The following AFF3 variants were observed in gnomAD, a reference collection of about 807,000 sequenced individuals.
AFF3 encodes AF4/FMR2 family member 3.
In AFF3, 32 loss-of-function variants were observed where a neutral mutation model predicts 129.7. That is an observed-to-expected ratio of 0.25 (90% CI 0.19 to 0.33). The LOEUF (loss-of-function observed/expected upper bound fraction) is 0.33, where lower values mean the gene tolerates loss of function less well. Ranked by LOEUF, AFF3 falls within the 10% of genes least tolerant of loss-of-function variation. AFF3 has a pLI of 1.00. For missense variants in AFF3, 1,373 were observed against 1,592.0 expected (o/e 0.86, Z 2.34); for synonymous variants, 644 against 635.4 (o/e 1.01, Z -0.20).
At position 99,587,293 on chromosome 2, in the gene AFF3, A is replaced by G; in HGVS notation, c.2467-15T>C. 1 of 1,613,826 alleles carries G rather than the reference A, an allele frequency of 6.2e-7. No homozygotes were observed. Among genetic ancestry groups the G allele is most frequent in the East Asian group, 2.2e-5 (1 of 44,872 alleles). On this transcript the variant is annotated splice_polypyrimidine_tract_variant and intron_variant, in intron 15 of 24. Transcript: ENST00000672756. ...TCGTTGTCACACTGTATGGGAATAA[A>G]CTAAAGTCAATCAGCACTGGATTTC...
At chr2:99,715,567 T>C (rs966995555) in intron 11 of AFF3, among the ~76,000 whole-genome samples, 2 of 152,206 alleles carry the variant, frequency 1.3e-5, no homozygotes, top group Non-Finnish European at 2.9e-5. Flanking sequence ...AGTCTTTTAC[T>C]GTACACCTGG....
At chr2:99,630,113 C>T (rs1575549967) in intron 13 of AFF3, among the ~76,000 whole-genome samples, 1 of 152,274 alleles carries the variant, frequency 6.6e-6, no homozygotes, top group Admixed American at 6.5e-5. Flanking sequence ...TCAGGAAGAC[C>T]CACATTTCTT....
intron 2 of AFF3, among the ~76,000 whole-genome samples, chr2:100,120,352 A>G (rs541133311): frequency 6.6e-6 from 1 of 152,328 alleles, no homozygotes; most frequent in Non-Finnish European, 1.5e-5. Context: ...GCATTTGAGT[A>G]TCTTTTATGG....
At chr2:99,927,001 C>T (rs935837409) in intron 7 of AFF3, among the ~76,000 whole-genome samples, 8 of 152,162 alleles carry the variant, frequency 5.3e-5, no homozygotes, top group Non-Finnish European at 1.2e-4. Flanking sequence ...GACCAGCAAT[C>T]TCACACAGGC....
chr2:99,965,692 C>T (rs1677674791), intron 7 of AFF3, among the ~76,000 whole-genome samples: 1 of 152,200 alleles, frequency 6.6e-6, no homozygotes, highest in African/African-American at 2.4e-5. Context: ...AATCCACTCT[C>T]AAGAGTTTGG....
chr2:99,668,676 C>T (rs1242443636), intron 12 of AFF3, among the ~76,000 whole-genome samples: 1 of 152,026 alleles, frequency 6.6e-6, no homozygotes, highest in Non-Finnish European at 1.5e-5. Flanking sequence ...GATTCTCCTG[C>T]CTCAGCATCC....
At chr2:99,947,593 AAGAAAGAAAGATAGATAGATAGAT>A (rs1361415989) in intron 7 of AFF3, among the ~76,000 whole-genome samples, 6 of 140,290 alleles carry the variant, frequency 4.3e-5, no homozygotes, top group East Asian at 4.1e-4. Flanking sequence ...GAAAGAAAGA[AAGAAAGAAAGATAGATAGATAGAT>A]AGATAGATAG....
chr2:100,058,701 C>T (rs899939541), intron 4 of AFF3, among the ~76,000 whole-genome samples: 1 of 152,078 alleles, frequency 6.6e-6, no homozygotes, highest in Non-Finnish European at 1.5e-5. Flanking sequence ...AGATCATGAA[C>T]CTAAATGTAA....
At chr2:99,622,990 A>G (rs1489969914) in intron 13 of AFF3, among the ~76,000 whole-genome samples, 1 of 152,132 alleles carries the variant, frequency 6.6e-6, no homozygotes, top group East Asian at 1.9e-4. Flanking sequence ...AGAAAAGATG[A>G]GTGAGAGAGT....
chr2:99,732,042 C>T (rs1352794626), intron 10 of AFF3, among the ~76,000 whole-genome samples: 1 of 152,152 alleles, frequency 6.6e-6, no homozygotes, highest in Non-Finnish European at 1.5e-5. Context: ...CTCTTCCCAC[C>T]CTTCCCACCA....
At chr2:99,870,656 T>C (rs1471256343) in intron 7 of AFF3, among the ~76,000 whole-genome samples, 2 of 152,200 alleles carry the variant, frequency 1.3e-5, no homozygotes, top group African/African-American at 4.8e-5. Flanking sequence ...GCTGGGCAAG[T>C]TCCCCCAAGA....
At chr2:99,936,494 T>C (rs189491918) in intron 7 of AFF3, among the ~76,000 whole-genome samples, 1 of 152,198 alleles carries the variant, frequency 6.6e-6, no homozygotes, top group Admixed American at 6.5e-5. Flanking sequence ...TTGTTATCTG[T>C]CAAATCCCCA....
intron 7 of AFF3, among the ~76,000 whole-genome samples, chr2:99,864,613 C>T (rs759486319): frequency 3.9e-5 from 6 of 152,122 alleles, no homozygotes; most frequent in Non-Finnish European, 8.8e-5. Flanking sequence ...TGAAAGACAC[C>T]CATATTCCAG....
chr2:99,610,759 G>A (rs1680840970), intron 13 of AFF3, among the ~76,000 whole-genome samples: 1 of 152,164 alleles, frequency 6.6e-6, no homozygotes, highest in South Asian at 2.1e-4. Flanking sequence ...GAGTCTGGGT[G>A]GGGATTTCTT....
chr2:99,987,007 G>A (rs1679932657), intron 7 of AFF3, among the ~76,000 whole-genome samples: 1 of 152,122 alleles, frequency 6.6e-6, no homozygotes, highest in African/African-American at 2.4e-5. Flanking sequence ...TGAACGAAAA[G>A]GCCGATCGTT....
At chr2:99,725,722 T>C (rs1433918889) in intron 11 of AFF3, among the ~76,000 whole-genome samples, 1 of 152,240 alleles carries the variant, frequency 6.6e-6, no homozygotes, top group African/African-American at 2.4e-5. Flanking sequence ...GAATGTGATT[T>C]TTAACTATGT....
At chr2:99,571,187 C>T (rs567408776) in intron 18 of AFF3, among the ~76,000 whole-genome samples, 25 of 152,230 alleles carry the variant, frequency 1.6e-4, no homozygotes, top group African/African-American at 5.1e-4. Context: ...TGGTGCCTTC[C>T]GATGGGGTGC....
intron 7 of AFF3, among the ~76,000 whole-genome samples, chr2:99,975,559 A>G (rs1678791765): frequency 1.3e-5 from 2 of 152,148 alleles, no homozygotes; most frequent in Admixed American, 1.3e-4. Flanking sequence ...AATTGTTTAG[A>G]AAATCTGGAT....
intron 7 of AFF3, among the ~76,000 whole-genome samples, chr2:99,893,079 G>A (rs1693691560): frequency 6.6e-6 from 1 of 152,098 alleles, no homozygotes; most frequent in South Asian, 2.1e-4. Flanking sequence ...AGATCATTCT[G>A]TGCCCATGAA....
Sources: gnomAD v4.1 joint callset for allele counts (sites outside exome capture counted in the v4.1 genomes callset) on GRCh38, gnomAD v4.1.1 for gene constraint, MANE v1.5 for transcripts, NCBI Gene and HGNC (gene_info 2026-07-23, HGNC 2026-07-21) for gene names.